ATP1A4: variants seen among roughly 807,000 people sequenced by gnomAD.
ATP1A4 encodes the protein ATPase Na+/K+ transporting subunit alpha 4.
Under a neutral mutation model 114.3 loss-of-function variants are expected in ATP1A4, and 90 were observed. The observed-to-expected ratio is 0.79, with a 90% confidence interval of 0.66 to 0.94. The LOEUF (loss-of-function observed/expected upper bound fraction) is 0.94. ATP1A4 is among the 40% of genes least tolerant of loss of function. ATP1A4 has a pLI of 0.00. For missense variants in ATP1A4, 1,222 were observed against 1,313.6 expected, an observed-to-expected ratio of 0.93 and a Z score of 1.08; for synonymous variants, 511 against 494.1, an observed-to-expected ratio of 1.03 and a Z score of -0.45.
rs764444541 is a variant in ATP1A4 at position 160,171,281 on chromosome 1, C to A, written c.1522C>A (p.Gln508Lys). 2 of 1,613,928 alleles carry A rather than the reference C, an allele frequency of 1.2e-6. No individual in the cohort carries two copies. Residue 508 changes from glutamine to lysine, a missense_variant, in exon 11 of 22, where the codon CAG (glutamine) becomes AAG (lysine). Physicochemically the swap from Gln to Lys is moderately conservative, Grantham distance 53. Coordinates refer to ENST00000368081, the MANE Select transcript of ATP1A4 (RefSeq NM_144699.4). ...CATCCACCTTCGGGAGGACAGCTCC[C>A]AGACCCACGTACTGATGATGAAGGG... ...MSIHLREDSS[Q>K]THVLMMKGAP...
intron 12 of ATP1A4, among the ~76,000 whole-genome samples, chr1:160,173,326 T>A (rs1180395450): frequency 6.6e-6 from 1 of 152,248 alleles, no homozygotes; most frequent in East Asian, 1.9e-4. Context: ...ATTCTGAATA[T>A]AGTCAAATCT....
intron 12 of ATP1A4, among the ~76,000 whole-genome samples, chr1:160,172,928 CTT>C (rs1653317959): frequency 6.6e-6 from 1 of 152,302 alleles, no homozygotes; most frequent in African/African-American, 2.4e-5. Context: ...GGGCAGGAAA[CTT>C]TACAAGGAAG....
chr1:160,171,373 C>A lies in ATP1A4; in HGVS notation c.1614C>A (p.Asn538Lys). 5 of 1,614,098 alleles carry A rather than the reference C, an allele frequency of 3.1e-6. No homozygotes were observed. The highest frequency in any genetic ancestry group is 4.2e-6 in the Non-Finnish European group (5 of 1,180,038). Reference sequence around the variant, plus strand: ...TGAATGGGCAGGAGTACTCAATGAACGATGAAATGAAGGAAGCCTTCCAAA... The same window carrying A: ...TGAATGGGCAGGAGTACTCAATGAAAGATGAAATGAAGGAAGCCTTCCAAA... The part of the protein sequence containing the change: ...FLLNGQEYSM[N>K]DEMKEAFQNA... Residue 538 changes from asparagine (N) to lysine (K), a missense_variant, in exon 11 of 22, where the codon AAC becomes AAA. Coordinates refer to ENST00000368081, the MANE Select transcript of ATP1A4 (RefSeq NM_144699.4).
At position 160,177,334 on chromosome 1, in the gene ATP1A4, G is replaced by A. The variant is rs527369764; in HGVS notation, c.2591-185G>A. ...TAGAAACAAATGTCAGGGCTTGAAG[G>A]AAAGTCCCACAGAGATGAGAGATAA... is the stretch of plus-strand genomic sequence containing the variant. On this transcript the variant is annotated intron_variant, in intron 17 of 21. Transcript: ENST00000368081. 41 of 556,190 alleles carry A rather than the reference G, an allele frequency of 7.4e-5. No individual in the cohort carries two copies. In the East Asian group the frequency reaches 1.1e-3, roughly 14 times the overall value. 34.5% of individuals were successfully genotyped at this position (556,190 alleles called of 1,614,324 possible). A position where few individuals can be genotyped will look rare whatever the true frequency, so the allele number is the denominator to read the frequency against.
intron 20 of ATP1A4, among the ~76,000 whole-genome samples, chr1:160,183,909 G>C (rs1021516499): frequency 6.6e-6 from 1 of 150,762 alleles, no homozygotes; most frequent in Non-Finnish European, 1.5e-5. Flanking sequence ...GAATTTCCAA[G>C]ACTTAGGTTG....
Position 160,173,095 on chromosome 1 carries a change from T to A in ATP1A4, c.1855-486T>A, listed in dbSNP as rs75850128. On this transcript the variant is annotated intron_variant, in intron 12 of 21. Transcript: ENST00000368081. ...TCTTTGGGTAGAAATGGGACAGGAC[T>A]AGGTACCAGGTATCCAAAACCAAGC... Among the ~76,000 whole-genome samples, 149 of 152,196 alleles carry A rather than the reference T, an allele frequency of 9.8e-4. 2 individuals are homozygous for A. The East Asian group carries it at 0.014, about 14-fold the overall frequency.
chr1:160,171,571 CTG>C lies in ATP1A4; in HGVS notation c.1682-12_1682-11del. 6.2e-7 allele frequency: 1 copy of C among 1,612,140 alleles called. No individual in the cohort carries two copies. Among genetic ancestry groups the C allele is most frequent in the South Asian group, 1.1e-5 (1 of 90,732 alleles). On this transcript the variant is annotated splice_polypyrimidine_tract_variant and intron_variant, in intron 11 of 21. Transcript: ENST00000368081. ...GCTGGATGACTACTGGTCCCTCCCT[CTG>C]TCTCTCTCCAGGCTTCTGCTTCTTG...
Position 160,173,701 on chromosome 1 carries a change from A to G in ATP1A4, c.1975A>G (p.Ser659Gly). ...EVAARLKIPI[S>G]KVDASAAKAI... is the part of the protein sequence containing the mutation. ...CGCTGCCCGGCTTAAGATCCCTATCAGCAAGGTCGATGCCAGGTGAGATCA... is the reference window on the plus strand; with the variant it reads ...CGCTGCCCGGCTTAAGATCCCTATCGGCAAGGTCGATGCCAGGTGAGATCA... Residue 659 changes from serine to glycine, a missense_variant, in exon 13 of 22, where the codon AGC becomes GGC. Coordinates refer to ENST00000368081, the MANE Select transcript of ATP1A4 (RefSeq NM_144699.4). 6.2e-7 allele frequency: 1 copy of G among 1,614,206 alleles called. No homozygotes were observed. Among genetic ancestry groups the G allele is most frequent in the South Asian group, 1.1e-5 (1 of 91,082 alleles).
intron 9 of ATP1A4, 96 bp from the exon 10 acceptor site, chr1:160,167,182 C>T: frequency 1.3e-6 from 2 of 1,558,206 alleles, no homozygotes; most frequent in Non-Finnish European, 1.8e-6. Flanking sequence ...CAGGTACCCG[C>T]CCTCCCCATT....
At chr1:160,155,651 C>T (rs1231084923) in intron 3 of ATP1A4, among the ~76,000 whole-genome samples, 10 of 152,088 alleles carry the variant, frequency 6.6e-5, no homozygotes, top group Non-Finnish European at 1.3e-4. Context: ...ACAATGTCCC[C>T]GAAAAACTTG....
At chr1:160,169,322 C>G (rs1009856568) in intron 10 of ATP1A4, among the ~76,000 whole-genome samples, 2 of 152,178 alleles carry the variant, frequency 1.3e-5, no homozygotes, top group African/African-American at 4.8e-5. Flanking sequence ...CTTCTCCCTC[C>G]GTCTCTTTTA....
chr1:160,158,540 C>T (rs1365754844), intron 4 of ATP1A4, among the ~76,000 whole-genome samples: 3 of 152,032 alleles, frequency 2.0e-5, no homozygotes, highest in African/African-American at 7.2e-5. Flanking sequence ...CCACACCTGG[C>T]TAATTTTTTT....
In ATP1A4 at chr1:160,166,510, C is replaced by G. The variant is rs751563621; in HGVS notation, c.1048-18C>G. 2.2e-5 allele frequency: 35 copies of G among 1,613,820 alleles called. No individual in the cohort carries two copies. Among genetic ancestry groups the G allele is most frequent in the Non-Finnish European group, 2.7e-5 (32 of 1,179,832 alleles). ...TTCCATCTCCCATGTGTATTCTCTCCTCTCTTCTTGGCTTTAGGTGTGCCT... is the reference window on the plus strand; with the variant it reads ...TTCCATCTCCCATGTGTATTCTCTCGTCTCTTCTTGGCTTTAGGTGTGCCT... On this transcript the variant is annotated intron_variant, in intron 7 of 21. Transcript: ENST00000368081.
rs769485753 is a variant in ATP1A4 at position 160,173,677 on chromosome 1, G to T, written c.1951G>T (p.Ala651Ser). Residue 651 changes from alanine (A) to serine (S), a missense_variant, in exon 13 of 22, where the codon GCT becomes TCT. Ala to Ser is a moderately conservative substitution (Grantham distance 99). Coordinates refer to ENST00000368081, the MANE Select transcript of ATP1A4 (RefSeq NM_144699.4). ...AGGCACTGAGACGGCAGAGGAAGTC[G>T]CTGCCCGGCTTAAGATCCCTATCAG... Reference protein sequence around the residue: ...SEGTETAEEVAARLKIPISKV... With the variant: ...SEGTETAEEVSARLKIPISKV... The T allele has an allele frequency of 1.9e-6, 3 of 1,614,000 alleles. No homozygotes were observed. The highest frequency in any genetic ancestry group is 1.7e-6 in the Non-Finnish European group (2 of 1,180,028).
rs780983085 is a variant in ATP1A4, at chr1:160,159,480, T to G, written c.732T>G (p.Pro244=). The part of the protein sequence containing the change: ...SRSPDFTHEN[P]LETRNICFFS... ...CCCCTGACTTCACCCATGAGAACCC[T>G]CTGGAGACCCGAAACATCTGCTTCT... The change falls in exon 6 of 22, where the codon CCT becomes CCG. Residue 244 remains proline (P), a synonymous_variant. Coordinates refer to ENST00000368081, the MANE Select transcript of ATP1A4 (RefSeq NM_144699.4). The G allele has an allele frequency of 3.2e-5, 52 of 1,613,208 alleles. No individual in the cohort carries two copies. The African/African-American group carries it at 6.4e-4, about 20-fold the overall frequency.
At chr1:160,167,487 C>G in intron 10 of ATP1A4, 75 bp downstream of exon 10, 1 of 1,572,766 alleles carries the variant, frequency 6.4e-7, no homozygotes, top group East Asian at 2.2e-5. Context: ...AGCTTTGCCT[C>G]TGCCTTCAAC....
chr1:160,186,404 C>T lies in ATP1A4; in HGVS notation c.3061+37C>T, dbSNP rs762046355. On this transcript the variant is annotated intron_variant, in intron 21 of 21. Coordinates refer to ENST00000368081, the MANE Select transcript of ATP1A4 (RefSeq NM_144699.4). ...CTGGGCCCCGCTCTGACTGAGTGGTCACCAGCCCCCTCACTAGCTCTCCCA... is the reference window on the plus strand; with the variant it reads ...CTGGGCCCCGCTCTGACTGAGTGGTTACCAGCCCCCTCACTAGCTCTCCCA... 16 of 1,492,852 alleles carry T rather than the reference C, an allele frequency of 1.1e-5. No individual in the cohort carries two copies. The Admixed American group carries it at 2.5e-4, about 24-fold the overall frequency. The allele number at this position is 1,492,852 out of a possible 1,614,324, so 92.5% of individuals were successfully genotyped here.
chr1:160,171,348 T>C lies in ATP1A4; in HGVS notation c.1589T>C (p.Leu530Pro). 3.7e-6 allele frequency: 6 copies of C among 1,614,140 alleles called. No homozygotes were observed. Among genetic ancestry groups the C allele is most frequent in the Non-Finnish European group, 5.1e-6 (6 of 1,180,012 alleles). ...RILEFCSTFL[L>P]NGQEYSMNDE... ...TTGGAGTTTTGTTCTACCTTTCTTCTGAATGGGCAGGAGTACTCAATGAAC... is the reference window on the plus strand; with the variant it reads ...TTGGAGTTTTGTTCTACCTTTCTTCCGAATGGGCAGGAGTACTCAATGAAC... The change falls in exon 11 of 22, where the codon CTG becomes CCG. Residue 530 changes from leucine (L) to proline (P), a missense_variant. Leu to Pro is a moderately conservative substitution (Grantham distance 98, BLOSUM62 -3). Coordinates refer to ENST00000368081, the MANE Select transcript of ATP1A4 (RefSeq NM_144699.4).
chr1:160,173,491 G>A, intron 12 of ATP1A4, 90 bp from the exon 13 acceptor site: 3 of 1,526,382 alleles, frequency 2.0e-6, no homozygotes, highest in Non-Finnish European at 1.8e-6. Flanking sequence ...GTTGAAAAAA[G>A]CAGTGGTCTG....
Sources: allele counts gnomAD v4.1 joint callset (sites outside exome capture counted in the v4.1 genomes callset), GRCh38; gene constraint gnomAD v4.1.1; transcripts MANE v1.5; gene names NCBI Gene and HGNC (gene_info 2026-07-23, HGNC 2026-07-21).